GAB2: variants seen among roughly 807,000 people sequenced by gnomAD.
GAB2 encodes GRB2 associated binding protein 2.
A neutral mutation model predicts 65.5 loss-of-function variants in GAB2; 26 were observed. That is an observed-to-expected ratio of 0.40 (90% CI 0.29 to 0.55). GAB2 has a LOEUF of 0.55. GAB2 is among the 20% of genes least tolerant of loss of function. GAB2 has a pLI of 0.53. For synonymous variants in GAB2, 321 were observed against 329.6 expected (o/e 0.97, Z 0.28); for missense variants, 884 against 875.8 (o/e 1.01, Z -0.12).
At chr11:78,409,305 C>A (rs1422163222) in intron 1 of GAB2, among the ~76,000 whole-genome samples, 1 of 152,120 alleles carries the variant, frequency 6.6e-6, no homozygotes, top group Admixed American at 6.6e-5. Flanking sequence ...AACAACAGGG[C>A]TGGGTGCGGT....
chr11:78,328,855 G>T (rs1482791728), intron 1 of GAB2, among the ~76,000 whole-genome samples: 1 of 152,076 alleles, frequency 6.6e-6, no homozygotes, highest in Non-Finnish European at 1.5e-5. Context: ...AGTCTGATAG[G>T]AGCTTTAGTT....
chr11:78,397,152 A>G (rs924138293), intron 1 of GAB2, among the ~76,000 whole-genome samples: 2 of 152,236 alleles, frequency 1.3e-5, no homozygotes, highest in Non-Finnish European at 2.9e-5. Context: ...AATAGCGTAT[A>G]CTATGAAAGT....
chr11:78,259,885 G>A (rs1054666539), intron 2 of GAB2, among the ~76,000 whole-genome samples: 2 of 152,182 alleles, frequency 1.3e-5, no homozygotes, highest in African/African-American at 4.8e-5. Context: ...AAGATGTATC[G>A]CTATGAATGA....
chr11:78,274,106 C>G (rs936400457), intron 2 of GAB2, among the ~76,000 whole-genome samples: 4 of 152,012 alleles, frequency 2.6e-5, no homozygotes, highest in African/African-American at 7.3e-5. Context: ...GAGACCCTGT[C>G]TCTACAAAAT....
Position 78,280,960 on chromosome 11 carries a change from C to T in GAB2, c.76-59G>A, listed in dbSNP as rs185611615. On this transcript the variant is annotated intron_variant, in intron 1 of 9. Transcript: ENST00000361507. ...GAAGAAGTCATTAGTTATTTCAAAGCTTTTTTCTTTCAGAGACAGGTCTTG... is the reference window on the plus strand; with the variant it reads ...GAAGAAGTCATTAGTTATTTCAAAGTTTTTTTCTTTCAGAGACAGGTCTTG... 43 of 1,439,350 alleles carry T rather than the reference C, an allele frequency of 3.0e-5. 1 individual carries two copies. Among genetic ancestry groups the T allele is most frequent in the Admixed American group, 2.4e-4 (13 of 54,376 alleles). The allele number at this position is 1,439,350 out of a possible 1,614,324, so 89.2% of individuals were successfully genotyped here.
intron 1 of GAB2, among the ~76,000 whole-genome samples, chr11:78,370,256 CAAAAA>C (rs35777026): frequency 2.0e-5 from 2 of 99,208 alleles, no homozygotes. Context: ...GACTCCGTCT[CAAAAA>C]AAAAAAAAAA....
chr11:78,332,138 A>G (rs773257500), intron 1 of GAB2, among the ~76,000 whole-genome samples: 3 of 152,224 alleles, frequency 2.0e-5, no homozygotes, highest in Non-Finnish European at 4.4e-5. Context: ...ATTCATCCCC[A>G]AACTGACACA....
chr11:78,414,601 G>C (rs559075571), intron 1 of GAB2, among the ~76,000 whole-genome samples: 42 of 152,240 alleles, frequency 2.8e-4, no homozygotes, highest in South Asian at 8.3e-4. Flanking sequence ...AATACACTGA[G>C]GCACGATGGG....
At chr11:78,339,356 T>C (rs1158033953) in intron 1 of GAB2, among the ~76,000 whole-genome samples, 1 of 152,178 alleles carries the variant, frequency 6.6e-6, no homozygotes, top group Non-Finnish European at 1.5e-5. Context: ...TTGCACCCAT[T>C]TGGGGTTTCA....
At chr11:78,401,411 C>T (rs559417744) in intron 1 of GAB2, among the ~76,000 whole-genome samples, 3 of 152,196 alleles carry the variant, frequency 2.0e-5, no homozygotes, top group South Asian at 2.1e-4. Flanking sequence ...TTGTGACTGG[C>T]TCATTTTATT....
chr11:78,277,434 C>G (rs1364738330), intron 2 of GAB2, among the ~76,000 whole-genome samples: 1 of 152,154 alleles, frequency 6.6e-6, no homozygotes, highest in African/African-American at 2.4e-5. Context: ...AAAATAACAA[C>G]TGGTTGCAGC....
intron 3 of GAB2, chr11:78,232,050 C>G (rs375132842): frequency 6.6e-6 from 1 of 152,312 alleles, no homozygotes; most frequent in South Asian, 2.1e-4. Context: ...GGCTGCAGTT[C>G]TGAGCCAATT....
At chr11:78,266,251 T>C (rs1332379741) in intron 2 of GAB2, among the ~76,000 whole-genome samples, 1 of 147,422 alleles carries the variant, frequency 6.8e-6, no homozygotes, top group Non-Finnish European at 1.5e-5. Context: ...ATGTGGATAT[T>C]TACTGGGCAG....
intron 1 of GAB2, among the ~76,000 whole-genome samples, chr11:78,287,318 A>G (rs1228400256): frequency 6.6e-6 from 1 of 152,174 alleles, no homozygotes; most frequent in Non-Finnish European, 1.5e-5. Context: ...TCACTCTGTC[A>G]CTCAGGTTGG....
Position 78,235,228 on chromosome 11 carries a change from CT to C in GAB2, c.621-8178del, listed in dbSNP as rs531792983. ...AGTGCAGTGGCACGATCTCGGCTCA[CT>C]GCAAGCTCCGCCTCCCGGGTTCACG... On this transcript the variant is annotated intron_variant, in intron 3 of 9. Transcript: ENST00000361507. Among the ~76,000 whole-genome samples the C allele has an allele frequency of 7.8e-3, 1,181 of 152,108 alleles. 13 individuals are homozygous for C. The highest frequency in any genetic ancestry group is 0.027 in the African/African-American group (1,120 of 41,524).
chr11:78,233,507 G>C (rs1259857946), intron 3 of GAB2, among the ~76,000 whole-genome samples: 1 of 152,050 alleles, frequency 6.6e-6, no homozygotes, highest in African/African-American at 2.4e-5. Context: ...AAAAATATTG[G>C]ATTGCTCTCT....
chr11:78,248,343 A>G (rs1011465265), intron 3 of GAB2, among the ~76,000 whole-genome samples: 1 of 152,190 alleles, frequency 6.6e-6, no homozygotes, highest in Non-Finnish European at 1.5e-5. Context: ...GGCAATTGTT[A>G]CTACTATATA....
At chr11:78,407,722 AAAAGAAAG>A (rs3054215) in intron 1 of GAB2, among the ~76,000 whole-genome samples, 16 of 144,230 alleles carry the variant, frequency 1.1e-4, no homozygotes, top group African/African-American at 1.0e-4. Flanking sequence ...TTCCGTCCCA[AAAAGAAAG>A]AAAGAAAGAA....
In GAB2 at chr11:78,251,702, T is replaced by C. The variant is rs146569325; in HGVS notation, c.377-1302A>G. Reference sequence around the variant, plus strand: ...AGCTCATATGCAGACTTTTAGACCCTACACAGATATCATATTCTCTCCCAA... The same window carrying C: ...AGCTCATATGCAGACTTTTAGACCCCACACAGATATCATATTCTCTCCCAA... On this transcript the variant is annotated intron_variant, in intron 2 of 9. Coordinates refer to ENST00000361507, the MANE Select transcript of GAB2 (RefSeq NM_080491.3). Among the ~76,000 whole-genome samples the C allele has an allele frequency of 3.1e-3, 477 of 152,270 alleles. 1 individual carries two copies. Among genetic ancestry groups the C allele is most frequent in the African/African-American group, 0.011 (462 of 41,580 alleles).
Sources: allele counts gnomAD v4.1 joint callset (sites outside exome capture counted in the v4.1 genomes callset), GRCh38; gene constraint gnomAD v4.1.1; transcripts MANE v1.5; gene names NCBI Gene and HGNC (gene_info 2026-07-23, HGNC 2026-07-21).